Variants in SCFD2 observed in about 807,000 individuals in gnomAD.
SCFD2 encodes the protein sec1 family domain-containing protein 2.
In SCFD2, 54 loss-of-function variants were observed where a neutral mutation model predicts 58.9. The observed-to-expected ratio is 0.92, with a 90% CI of 0.74 to 1.15. The LOEUF is 1.15. Among genes scored for constraint, SCFD2 ranks in the 50% most tolerant of loss-of-function variants. The pLI is 0.00. For missense variants in SCFD2, 805 were observed against 836.6 expected, an observed-to-expected ratio of 0.96 and a Z score of 0.47; for synonymous variants, 321 against 335.9, an observed-to-expected ratio of 0.96 and a Z score of 0.49.
At chr4:52,875,733 A>G (rs1428023726) in intron 8 of SCFD2, among the ~76,000 whole-genome samples, 1 of 146,050 alleles carries the variant, frequency 6.8e-6, no homozygotes, top group African/African-American at 2.5e-5. Context: ...CTTATGAGAA[A>G]GTTTTCTGTT....
At chr4:52,936,285 G>T (rs959805659) in intron 5 of SCFD2, among the ~76,000 whole-genome samples, 1 of 151,998 alleles carries the variant, frequency 6.6e-6, no homozygotes, top group South Asian at 2.1e-4. Flanking sequence ...AGCTCCACCC[G>T]CTTAAACTCA....
chr4:53,345,152 G>A (rs1011656332), intron 2 of SCFD2, among the ~76,000 whole-genome samples: 2 of 152,144 alleles, frequency 1.3e-5, no homozygotes, highest in African/African-American at 4.8e-5. Flanking sequence ...TACCACAAGA[G>A]TGAACAGGCA....
At chr4:53,355,315 C>G (rs1179414018) in intron 1 of SCFD2, among the ~76,000 whole-genome samples, 1 of 152,110 alleles carries the variant, frequency 6.6e-6, no homozygotes, top group Non-Finnish European at 1.5e-5. Context: ...CAGGGGGAAC[C>G]TTTCACTTAC....
chr4:53,200,550 G>A (rs1166895005), intron 4 of SCFD2, among the ~76,000 whole-genome samples: 1 of 152,022 alleles, frequency 6.6e-6, no homozygotes, highest in Non-Finnish European at 1.5e-5. Flanking sequence ...CTCTACTTAA[G>A]GTAAAAGCAA....
chr4:53,126,523 C>T (rs1056259819), intron 5 of SCFD2, among the ~76,000 whole-genome samples: 3 of 152,160 alleles, frequency 2.0e-5, no homozygotes, highest in Admixed American at 6.5e-5. Flanking sequence ...GCCATGTTGG[C>T]CAGGCTGGCC....
At chr4:53,189,501 C>T (rs1202553472) in intron 4 of SCFD2, among the ~76,000 whole-genome samples, 3 of 152,166 alleles carry the variant, frequency 2.0e-5, no homozygotes, top group Middle Eastern at 3.2e-3. Context: ...AGCTTGCAAA[C>T]TTCGCTTCCT....
At chr4:52,921,848 A>G (rs1719744249) in intron 5 of SCFD2, among the ~76,000 whole-genome samples, 1 of 152,138 alleles carries the variant, frequency 6.6e-6, no homozygotes, top group South Asian at 2.1e-4. Flanking sequence ...TCTCTGATGT[A>G]GAAGCATGTT....
intron 5 of SCFD2, among the ~76,000 whole-genome samples, chr4:52,987,815 A>G (rs1488802946): frequency 1.3e-5 from 2 of 152,234 alleles, no homozygotes; most frequent in African/African-American, 4.8e-5. Context: ...AAAATAAAAC[A>G]ACACATAAAA....
Position 52,920,813 on chromosome 4 carries a change from A to G in SCFD2, c.1619T>C (p.Leu540Pro). The G allele has an allele frequency of 6.2e-7, 1 of 1,611,284 alleles. No homozygotes were observed. Among genetic ancestry groups the G allele is most frequent in the Non-Finnish European group, 8.5e-7 (1 of 1,177,742 alleles). ...AGCAATATCCCGAAGTGAAGTAAAG[A>G]GTTCATCCACGGCAATTTTGGATTT... ...FHKSKIAVDELFTSLRDIAGA... is the reference protein window; with the variant it reads ...FHKSKIAVDEPFTSLRDIAGA... The change falls in exon 6 of 9, where the codon CTC becomes CCC. Residue 540 changes from leucine (L) to proline (P), a missense_variant. Coordinates refer to ENST00000401642, the MANE Select transcript of SCFD2 (RefSeq NM_152540.4).
In SCFD2 at chr4:53,162,137, T is replaced by G. The variant is rs1726871119; in HGVS notation, c.1312-16555A>C. 5.3e-5 allele frequency among the ~76,000 whole-genome samples: 8 copies of G among 152,120 alleles called. No individual in the cohort carries two copies. In the South Asian group the frequency reaches 1.7e-3, roughly 32 times the overall value. On this transcript the variant is annotated intron_variant, in intron 4 of 8. Coordinates refer to ENST00000401642, the MANE Select transcript of SCFD2 (RefSeq NM_152540.4). ...AGAATGTACACATTATCTAAAAACCTGCTTATTTTTCCTTTTTCCCTTGCT... is the reference window on the plus strand; with the variant it reads ...AGAATGTACACATTATCTAAAAACCGGCTTATTTTTCCTTTTTCCCTTGCT...
chr4:53,192,224 C>T (rs1279153012), intron 4 of SCFD2, among the ~76,000 whole-genome samples: 4 of 152,162 alleles, frequency 2.6e-5, no homozygotes, highest in South Asian at 2.1e-4. Context: ...ACTGTCCCCA[C>T]GACTCCCTAT....
At chr4:53,123,414 A>G (rs1725537228) in intron 5 of SCFD2, among the ~76,000 whole-genome samples, 1 of 151,944 alleles carries the variant, frequency 6.6e-6, no homozygotes, top group Admixed American at 6.6e-5. Context: ...GAATGCATGA[A>G]TAGGTGACTG....
At chr4:53,096,360 C>T (rs1037700679) in intron 5 of SCFD2, among the ~76,000 whole-genome samples, 1 of 152,190 alleles carries the variant, frequency 6.6e-6, no homozygotes, top group Admixed American at 6.5e-5. Flanking sequence ...CTTATTTCTC[C>T]ACATCCTCTC....
At chr4:53,102,155 C>G (rs1254543850) in intron 5 of SCFD2, among the ~76,000 whole-genome samples, 1 of 152,120 alleles carries the variant, frequency 6.6e-6, no homozygotes, top group African/African-American at 2.4e-5. Flanking sequence ...ACTCAAAATG[C>G]TGGGGCAGCA....
chr4:52,930,977 C>T (rs1418682554), intron 5 of SCFD2, among the ~76,000 whole-genome samples: 1 of 152,066 alleles, frequency 6.6e-6, no homozygotes, highest in African/African-American at 2.4e-5. Flanking sequence ...GACCTTTTTC[C>T]AGCAATTAAA....
chr4:53,069,911 T>C (rs1298101342), intron 5 of SCFD2, among the ~76,000 whole-genome samples: 2 of 152,098 alleles, frequency 1.3e-5, no homozygotes, highest in Non-Finnish European at 2.9e-5. Flanking sequence ...TACATCTTTC[T>C]GTATCAATCG....
intron 5 of SCFD2, among the ~76,000 whole-genome samples, chr4:52,976,719 T>C (rs1291176295): frequency 6.6e-6 from 1 of 152,154 alleles, no homozygotes; most frequent in Non-Finnish European, 1.5e-5. Context: ...CCACTGTGGA[T>C]AACAAGTGTG....
intron 3 of SCFD2, among the ~76,000 whole-genome samples, chr4:53,304,559 T>G (rs1577952390): frequency 6.6e-6 from 1 of 151,942 alleles, no homozygotes; most frequent in Non-Finnish European, 1.5e-5. Context: ...TCTTCTTGCT[T>G]TATTTCATTC....
chr4:52,886,104 T>C (rs1346696890), intron 7 of SCFD2, among the ~76,000 whole-genome samples: 2 of 152,202 alleles, frequency 1.3e-5, no homozygotes, highest in African/African-American at 4.8e-5. Context: ...GTCTTCCCAT[T>C]TGGTGTGTTT....
Sources: allele counts gnomAD v4.1 joint callset (sites outside exome capture counted in the v4.1 genomes callset), GRCh38; gene constraint gnomAD v4.1.1; transcripts MANE v1.5; gene names NCBI Gene and HGNC (gene_info 2026-07-23, HGNC 2026-07-21).